Variants in RB1 observed in about 807,000 individuals in gnomAD.
RB1 encodes the protein RB transcriptional corepressor 1.
Under a neutral mutation model 135.4 loss-of-function variants are expected in RB1, and 18 were observed. That is an observed-to-expected ratio of 0.13 (90% CI 0.09 to 0.20). The LOEUF is 0.20. Ranked by LOEUF, RB1 falls within the 10% of genes least tolerant of loss-of-function variation. RB1 has a pLI of 1.00. For missense variants in RB1, 868 were observed against 1,110.0 expected (o/e 0.78, Z 3.10); for synonymous variants, 365 against 373.2 (o/e 0.98, Z 0.25).
chr13:48,417,466 G>A (rs1338119177), intron 17 of RB1: 4 of 152,158 alleles, frequency 2.6e-5, no homozygotes, highest in Non-Finnish European at 5.9e-5. Context: ...CCATGAAGAT[G>A]AGGAAAAACC....
intron 17 of RB1, among the ~76,000 whole-genome samples, chr13:48,443,912 C>A (rs1949262429): frequency 6.6e-6 from 1 of 151,998 alleles, no homozygotes. Context: ...GGAAAAAACT[C>A]TCTCAAACCA....
chr13:48,336,851 A>G (rs747334116), intron 2 of RB1, among the ~76,000 whole-genome samples: 356 of 152,250 alleles, frequency 2.3e-3, no homozygotes, highest in Non-Finnish European at 3.1e-3. Context: ...ACACTGCTTT[A>G]CATGTGTCCC....
chr13:48,460,077 C>A (rs549962080), intron 20 of RB1, among the ~76,000 whole-genome samples: 1 of 150,994 alleles, frequency 6.6e-6, no homozygotes, highest in South Asian at 2.1e-4. Context: ...TCAAGTGATT[C>A]TCCTGCCTCA....
intron 2 of RB1, among the ~76,000 whole-genome samples, chr13:48,335,703 C>G (rs1314731370): frequency 6.6e-6 from 1 of 151,472 alleles, no homozygotes; most frequent in East Asian, 1.9e-4. Flanking sequence ...GTAAGAATTA[C>G]TTTTCTTCTG....
At chr13:48,478,642 A>C (rs1159356753) in intron 26 of RB1, among the ~76,000 whole-genome samples, 2 of 152,206 alleles carry the variant, frequency 1.3e-5, no homozygotes, top group African/African-American at 4.8e-5. Context: ...TGCCAGGCCA[A>C]AGTTCAGGAC....
chr13:48,380,072 T>C lies in RB1; in HGVS notation c.1409T>C (p.Ile470Thr). ...TTTCAGGAAGAAGAACGATTATCCATTCAAAATTTTAGGTAAATTTTTTAC... is the reference window on the plus strand; with the variant it reads ...TTTCAGGAAGAAGAACGATTATCCACTCAAAATTTTAGGTAAATTTTTTAC... ...MLKSEEERLS[I>T]QNFSKLLNDN... Residue 470 changes from isoleucine to threonine, a missense_variant, in exon 15 of 27, where the codon ATT becomes ACT. This residue lies in a region of RB1 where 641 missense variants were observed against 791.3 expected (regional missense o/e 0.81). Coordinates refer to ENST00000267163, the MANE Select transcript of RB1 (RefSeq NM_000321.3). 7.2e-7 allele frequency: 1 copy of C among 1,385,508 alleles called. No individual in the cohort carries two copies. The highest frequency in any genetic ancestry group is 9.8e-7 in the Non-Finnish European group (1 of 1,023,794). 85.8% of individuals were successfully genotyped at this position (1,385,508 alleles called of 1,614,324 possible). A position where few individuals can be genotyped will look rare whatever the true frequency, so the allele number is the denominator to read the frequency against.
At chr13:48,457,930 A>G (rs560206518) in intron 19 of RB1, among the ~76,000 whole-genome samples, 198 of 152,302 alleles carry the variant, frequency 1.3e-3, no homozygotes, top group African/African-American at 4.4e-3. Flanking sequence ...GCCCCCAAGT[A>G]TACAGAGATG....
intron 17 of RB1, among the ~76,000 whole-genome samples, chr13:48,445,631 G>T (rs1011963395): frequency 6.6e-6 from 1 of 152,020 alleles, no homozygotes; most frequent in African/African-American, 2.4e-5. Flanking sequence ...AGCCTTCCTT[G>T]AACCCACCCC....
rs560373276 is a variant in RB1, at chr13:48,402,111, T to C, written c.1695+20668T>C. On this transcript the variant is annotated intron_variant, in intron 17 of 26. Transcript: ENST00000267163. ...TGAAATTACTTGTCTTTTACATGAG[T>C]CATAAACAAAAATGAACATAGGATA... 1.1e-4 allele frequency among the ~76,000 whole-genome samples: 17 copies of C among 152,230 alleles called. No individual in the cohort carries two copies. In the East Asian group the frequency reaches 1.7e-3, roughly 16 times the overall value.
intron 20 of RB1, among the ~76,000 whole-genome samples, chr13:48,460,360 A>T (rs1455078004): frequency 6.6e-6 from 1 of 152,138 alleles, no homozygotes; most frequent in East Asian, 1.9e-4. Flanking sequence ...TTTGGCTACC[A>T]TTTACATTTT....
chr13:48,430,333 A>G (rs974627984), intron 17 of RB1, among the ~76,000 whole-genome samples: 1 of 152,198 alleles, frequency 6.6e-6, no homozygotes, highest in Admixed American at 6.5e-5. Flanking sequence ...GTAGACTTTG[A>G]TTTATTCTTT....
intron 11 of RB1, among the ~76,000 whole-genome samples, chr13:48,368,948 G>A (rs1370238860): frequency 6.6e-6 from 1 of 152,162 alleles, no homozygotes; most frequent in African/African-American, 2.4e-5. Context: ...GGAGGTTGCA[G>A]AGAGCTGAGA....
chr13:48,412,156 T>C, intron 17 of RB1: 1 of 1,614,002 alleles, frequency 6.2e-7, no homozygotes, highest in Non-Finnish European at 8.5e-7. Context: ...ACAGAAATCT[T>C]ACAAAGTAAA....
rs558688349 is a variant in RB1 at position 48,412,451 on chromosome 13, G to A, written c.1695+31008G>A. 3.9e-6 allele frequency: 6 copies of A among 1,526,330 alleles called. No homozygotes were observed. The African/African-American group carries it at 4.1e-5, about 10-fold the overall frequency. 94.5% of individuals were successfully genotyped at this position (1,526,330 alleles called of 1,614,324 possible). ...TAAAGGCACGTCCAATTTTCAGTTTGGAAGCACTTTCATCAGCTGCAGTCT... is the reference window on the plus strand; with the variant it reads ...TAAAGGCACGTCCAATTTTCAGTTTAGAAGCACTTTCATCAGCTGCAGTCT... On this transcript the variant is annotated intron_variant, in intron 17 of 26. Coordinates refer to ENST00000267163, the MANE Select transcript of RB1 (RefSeq NM_000321.3).
rs2138344830 is a variant in RB1 at position 48,465,061 on chromosome 13, G to A, written c.2275G>A (p.Val759Ile). The A allele has an allele frequency of 1.9e-6, 3 of 1,608,878 alleles. No homozygotes were observed. The highest frequency in any genetic ancestry group is 2.5e-6 in the Non-Finnish European group (3 of 1,178,946). The change falls in exon 22 of 27, where the codon GTC becomes ATC. Residue 759 changes from valine (V) to isoleucine (I), a missense_variant. Physicochemically the swap from Val to Ile is conservative, Grantham distance 29. Around this residue, in one of 3 missense-constraint regions of RB1, gnomAD observed 196 missense variants for 239.8 expected, o/e 0.82. Transcript: ENST00000267163. The part of the protein sequence containing the change: ...YDSIIVFYNS[V>I]FMQRLKTNIL... The stretch of plus-strand genomic sequence containing the variant: ...TTCTATTATAGTATTCTATAACTCG[G>A]TCTTCATGCAGAGACTGAAAACAAA...
In RB1 at chr13:48,381,375, A is replaced by G; in HGVS notation, c.1627A>G (p.Thr543Ala). Residue 543 changes from threonine to alanine, a missense_variant, in exon 17 of 27, where the codon ACA becomes GCA. Thr to Ala is a moderately conservative substitution (Grantham distance 58). This residue lies in a region of RB1 where 641 missense variants were observed against 791.3 expected (regional missense o/e 0.81). Coordinates refer to ENST00000267163, the MANE Select transcript of RB1 (RefSeq NM_000321.3). ...TTTTATCAAAGCAGAAGGCAACTTG[A>G]CAAGAGAAATGATAAAACATTTAGA... is the stretch of plus-strand genomic sequence containing the variant. Reference protein sequence around the residue: ...ESFIKAEGNLTREMIKHLERC... With the variant: ...ESFIKAEGNLAREMIKHLERC... 6.2e-7 allele frequency: 1 copy of G among 1,612,646 alleles called. No homozygotes were observed. Among genetic ancestry groups the G allele is most frequent in the Non-Finnish European group, 8.5e-7 (1 of 1,179,194 alleles).
chr13:48,439,759 T>TA (rs1337378243), intron 17 of RB1: 1 of 152,142 alleles, frequency 6.6e-6, no homozygotes, highest in Admixed American at 6.6e-5. Flanking sequence ...CCTGAGTTTT[T>TA]AGTGTTCCAG....
intron 4 of RB1, 124 bp downstream of exon 4, chr13:48,345,323 T>C (rs1952483094): frequency 8.9e-7 from 1 of 1,118,244 alleles, no homozygotes; most frequent in African/African-American, 1.5e-5. Flanking sequence ...ACTTGTCCCT[T>C]TTAATGTTAG....
chr13:48,344,742 G>A (rs570513631), intron 3 of RB1, among the ~76,000 whole-genome samples: 1 of 152,270 alleles, frequency 6.6e-6, no homozygotes, highest in South Asian at 2.1e-4. Flanking sequence ...ACACTAAAAT[G>A]AAGCATATGG....
Sources: allele counts gnomAD v4.1 joint callset (sites outside exome capture counted in the v4.1 genomes callset), GRCh38; gene constraint gnomAD v4.1.1; regional missense constraint gnomAD v4.1.1; transcripts MANE v1.5; gene names NCBI Gene and HGNC (gene_info 2026-07-23, HGNC 2026-07-21).